The following CEP78 variants were observed in gnomAD, a reference collection of about 807,000 sequenced individuals.
CEP78 encodes the protein centrosomal protein 78, also known as centrosomal protein of 78 kDa.
In CEP78, 76 loss-of-function variants were observed where a neutral mutation model predicts 81.2. The observed-to-expected ratio is 0.94, with a 90% CI of 0.78 to 1.13. The LOEUF is 1.13. Ranked by LOEUF, CEP78 falls within the 50% of genes most tolerant of loss-of-function variation. The pLI is 0.00. For synonymous variants in CEP78, 293 were observed against 301.4 expected, an observed-to-expected ratio of 0.97 and a Z score of 0.29; for missense variants, 918 against 846.8, an observed-to-expected ratio of 1.08 and a Z score of -1.04.
In CEP78 at chr9:78,278,842, C is replaced by T. The variant is rs1422407186; in HGVS notation, c.*7991C>T. 3 of 152,112 alleles carry T rather than the reference C, an allele frequency of 2.0e-5. No homozygotes were observed. The highest frequency in any genetic ancestry group is 2.9e-5 in the Non-Finnish European group (2 of 68,024). 9.4% of individuals were successfully genotyped at this position (152,112 alleles called of 1,614,324 possible). ...TTCCCTTTTCAGAACCCTTTTGTGACACTGAAAACCTGAGTTTTCAAACTG... is the reference window on the plus strand; with the variant it reads ...TTCCCTTTTCAGAACCCTTTTGTGATACTGAAAACCTGAGTTTTCAAACTG... On this transcript the variant is annotated 3_prime_UTR_variant, in exon 17 of 17. Transcript: ENST00000643273.
At chr9:78,239,767 A>G (rs891710886) in intron 1 of CEP78, among the ~76,000 whole-genome samples, 4 of 152,042 alleles carry the variant, frequency 2.6e-5, no homozygotes, top group African/African-American at 9.7e-5. Context: ...CTCTCACCCC[A>G]TGTTGTCATT....
chr9:78,264,724 G>A (rs954458183), intron 13 of CEP78, among the ~76,000 whole-genome samples: 6 of 151,688 alleles, frequency 4.0e-5, no homozygotes, highest in African/African-American at 1.5e-4. Flanking sequence ...CCAAATTGAA[G>A]GTAGTTTTAA....
At chr9:78,253,888 C>G (rs1296210429) in intron 10 of CEP78, 3 of 152,234 alleles carry the variant, frequency 2.0e-5, no homozygotes, top group African/African-American at 7.2e-5. Flanking sequence ...CGTACTGCCC[C>G]TCGCATAGCC....
At chr9:78,252,094 T>G in intron 9 of CEP78, 51 bp downstream of exon 9, 1 of 1,477,940 alleles carries the variant, frequency 6.8e-7, no homozygotes, top group Admixed American at 2.0e-5. Context: ...GATTCAAAAT[T>G]CTTTATTTTG....
chr9:78,278,936 G>T lies in CEP78; in HGVS notation c.*8085G>T, dbSNP rs1381161134. The T allele has an allele frequency of 6.6e-6, 1 of 152,098 alleles. No homozygotes were observed. The highest frequency in any genetic ancestry group is 1.5e-5 in the Non-Finnish European group (1 of 68,014). The allele number at this position is 152,098 out of a possible 1,614,324, so 9.4% of individuals were successfully genotyped here. A position where few individuals can be genotyped will look rare whatever the true frequency, so the allele number is the denominator to read the frequency against. On this transcript the variant is annotated 3_prime_UTR_variant, in exon 17 of 17. Transcript: ENST00000643273. ...TTAAAAAATAAGAAGACTTTGCCCT[G>T]TGACTGAGGTGCTCAGAAGGTATGG...
intron 7 of CEP78, 76 bp downstream of exon 7, chr9:78,248,431 G>T: frequency 2.1e-6 from 2 of 961,640 alleles, no homozygotes; most frequent in Non-Finnish European, 3.3e-6. Flanking sequence ...GTACTGCCCA[G>T]CCTGGCCTCA....
rs761742868 is a variant in CEP78 at position 78,266,644 on chromosome 9, G to T, written c.2048G>T (p.Arg683Ile). The T allele has an allele frequency of 2.5e-6, 4 of 1,612,386 alleles. No individual in the cohort carries two copies. In the South Asian group the frequency reaches 4.4e-5, roughly 18 times the overall value. Residue 683 changes from arginine (R) to isoleucine (I), a missense_variant, in exon 16 of 17, where the codon AGA becomes ATA. Physicochemically the swap from Arg to Ile is moderately conservative, Grantham distance 97. Transcript: ENST00000643273. The part of the protein sequence containing the change: ...PDATSGTGSQ[R>I]KEEELSRNSR... ...GCGACTTCTGGAACTGGAAGTCAAA[G>T]AAAAGAAGAGGAGTTGTCCAGAAAT...
intron 4 of CEP78, among the ~76,000 whole-genome samples, chr9:78,242,355 C>T (rs1037855313): frequency 2.0e-5 from 3 of 152,240 alleles, no homozygotes; most frequent in Non-Finnish European, 1.5e-5. Flanking sequence ...GCCTTTACAG[C>T]GTAAGCCCAC....
At chr9:78,254,112 A>T (rs1174521413) in intron 10 of CEP78, among the ~76,000 whole-genome samples, 1 of 152,174 alleles carries the variant, frequency 6.6e-6, no homozygotes, top group African/African-American at 2.4e-5. Flanking sequence ...AGTGGCATTG[A>T]AACTTGACAG....
intron 1 of CEP78, among the ~76,000 whole-genome samples, chr9:78,239,480 A>G (rs1826114950): frequency 6.6e-6 from 1 of 151,982 alleles, no homozygotes; most frequent in Admixed American, 6.5e-5. Flanking sequence ...GCTTTTTCTC[A>G]TTTCCTTTAT....
chr9:78,246,789 C>T lies in CEP78; in HGVS notation c.892+7C>T, dbSNP rs762067410. On this transcript the variant is annotated splice_region_variant and intron_variant, in intron 6 of 16. Coordinates refer to ENST00000643273, the MANE Select transcript of CEP78 (RefSeq NM_001330691.3). ...AGAAAAAATCCACTCATTGGTATGT[C>T]GCTACAATATTTTTTATTGACTAAC... The T allele has an allele frequency of 1.0e-5, 15 of 1,466,080 alleles. No homozygotes were observed. In the East Asian group the frequency reaches 2.6e-4, roughly 25 times the overall value. 90.8% of individuals were successfully genotyped at this position (1,466,080 alleles called of 1,614,324 possible). A position where few individuals can be genotyped will look rare whatever the true frequency, so the allele number is the denominator to read the frequency against.
chr9:78,250,316 A>G (rs549122985), intron 8 of CEP78: 6 of 398,182 alleles, frequency 1.5e-5, no homozygotes, highest in African/African-American at 1.0e-4. Flanking sequence ...GTCAGTGAGT[A>G]TAGGGGTTAT....
At chr9:78,242,828 A>G (rs1485893653) in intron 4 of CEP78, among the ~76,000 whole-genome samples, 1 of 152,154 alleles carries the variant, frequency 6.6e-6, no homozygotes, top group African/African-American at 2.4e-5. Context: ...CAAACCACCA[A>G]TTTCCGAAGG....
intron 11 of CEP78, among the ~76,000 whole-genome samples, chr9:78,262,012 G>A (rs1827298090): frequency 6.6e-6 from 1 of 151,934 alleles, no homozygotes; most frequent in Non-Finnish European, 1.5e-5. Context: ...TGGATATTTT[G>A]TAATTTGCCC....
rs1020683916 is a variant in CEP78 at position 78,256,532 on chromosome 9, T to A, written c.1380+1568T>A. The stretch of plus-strand genomic sequence containing the variant: ...TGATCCTCTGCTCCCTTATTTTTTT[T>A]TTTTTTTTTTTTTTTTTTGAGATGG... On this transcript the variant is annotated intron_variant, in intron 11 of 16. Transcript: ENST00000643273. Among the ~76,000 whole-genome samples the A allele has an allele frequency of 5.0e-4, 70 of 140,188 alleles. 1 individual carries two copies. The highest frequency in any genetic ancestry group is 1.7e-3 in the African/African-American group (65 of 37,440). 92.0% of individuals were successfully genotyped at this position (140,188 alleles called of 152,430 possible).
intron 8 of CEP78, chr9:78,249,985 C>T (rs993428752): frequency 1.7e-5 from 5 of 301,046 alleles, no homozygotes; most frequent in African/African-American, 1.1e-4. Context: ...TGAAGGATAT[C>T]ACTTGACTTA....
chr9:78,244,134 C>CTTTTTT (rs971743733), intron 5 of CEP78, among the ~76,000 whole-genome samples: 6 of 110,740 alleles, frequency 5.4e-5, no homozygotes, highest in Non-Finnish European at 9.3e-5. Flanking sequence ...ATTGAAGTTA[C>CTTTTTT]TTTTTTTTTT....
In CEP78 at chr9:78,264,325, C is replaced by G; in HGVS notation, c.1625+9C>G. 2 of 1,611,968 alleles carry G rather than the reference C, an allele frequency of 1.2e-6. No individual in the cohort carries two copies. The highest frequency in any genetic ancestry group is 2.2e-5 in the South Asian group (2 of 90,978). Reference sequence around the variant, plus strand: ...CTCCTTAAAGATGCTGGGTTAGTTACTTTCTCCCTATGACATTCGTCCCTC... The same window carrying G: ...CTCCTTAAAGATGCTGGGTTAGTTAGTTTCTCCCTATGACATTCGTCCCTC... On this transcript the variant is annotated intron_variant, in intron 13 of 16. Transcript: ENST00000643273.
At position 78,264,223 on chromosome 9, in the gene CEP78, C is replaced by G. The variant is rs764851727; in HGVS notation, c.1532C>G (p.Thr511Arg). The change falls in exon 13 of 17, where the codon ACA becomes AGA. Residue 511 changes from threonine to arginine, a missense_variant. Thr to Arg is a moderately conservative substitution (Grantham distance 71, BLOSUM62 -1). Transcript: ENST00000643273. ...GAAGCCCTTCATGCACAGTCATTGACAAATATGATCCTGGATGATGAAGGT... is the reference window on the plus strand; with the variant it reads ...GAAGCCCTTCATGCACAGTCATTGAGAAATATGATCCTGGATGATGAAGGT... Reference protein sequence around the residue: ...LSEALHAQSLTNMILDDEGVL... With the variant: ...LSEALHAQSLRNMILDDEGVL... 36 of 1,608,476 alleles carry G rather than the reference C, an allele frequency of 2.2e-5. No individual in the cohort carries two copies. In the Admixed American group the frequency reaches 5.9e-4, roughly 26 times the overall value.
Sources: allele counts gnomAD v4.1 joint callset (sites outside exome capture counted in the v4.1 genomes callset), GRCh38; gene constraint gnomAD v4.1.1; transcripts MANE v1.5; gene names NCBI Gene and HGNC (gene_info 2026-07-23, HGNC 2026-07-21).